SOHLH1: variants seen among roughly 807,000 people sequenced by gnomAD.
SOHLH1 encodes spermatogenesis- and oogenesis-specific basic helix-loop-helix-containing protein 1.
Under a neutral mutation model 36.2 loss-of-function variants are expected in SOHLH1, and 23 were observed. The observed-to-expected ratio is 0.64, with a 90% confidence interval of 0.46 to 0.90. The LOEUF is 0.90. SOHLH1 is among the 40% of genes least tolerant of loss of function. The pLI, the probability that SOHLH1 is intolerant of heterozygous loss-of-function variation, is 0.00. For synonymous variants in SOHLH1, 289 were observed against 228.3 expected (o/e 1.27, Z -2.40); for missense variants, 608 against 517.0 (o/e 1.18, Z -1.71).
intron 7 of SOHLH1, chr9:135,694,089 G>A: frequency 7.7e-6 from 11 of 1,427,846 alleles, no homozygotes; most frequent in Non-Finnish European, 1.0e-5. Flanking sequence ...TTGCCGGCCA[G>A]CACGGGCTGG....
chr9:135,697,730 G>C, intron 3 of SOHLH1, 103 bp from the exon 4 acceptor site: 1 of 1,420,590 alleles, frequency 7.0e-7, no homozygotes, highest in Non-Finnish European at 9.6e-7. Context: ...GGGTCACTGT[G>C]AGCTCGGTCC....
chr9:135,699,093 C>T lies in SOHLH1; in HGVS notation c.99G>A (p.Glu33=). The change falls in exon 2 of 8, where the codon GAG becomes GAA. Residue 33 remains glutamate, a synonymous_variant. Coordinates refer to ENST00000425225, the MANE Select transcript of SOHLH1 (RefSeq NM_001101677.2). ...GSLSGALSCC[E]DSARGSGPPK... Reference sequence around the variant, plus strand: ...GCGGGCCCGAGCCCCGGGCCGAGTCCTCGCAGCAGGAGAGGGCACCAGACA... The same window carrying T: ...GCGGGCCCGAGCCCCGGGCCGAGTCTTCGCAGCAGGAGAGGGCACCAGACA... The T allele has an allele frequency of 6.2e-7, 1 of 1,608,868 alleles. No individual in the cohort carries two copies.
chr9:135,700,794 C>T (rs1384202299), upstream of SOHLH1, among the ~76,000 whole-genome samples: 1 of 152,108 alleles, frequency 6.6e-6, no homozygotes, highest in East Asian at 1.9e-4. Context: ...GAGAGGAGGG[C>T]AAAAGCTCTC....
rs1834888120 is a variant in SOHLH1 at position 135,698,276 on chromosome 9, T to C, written c.345+53A>G. The C allele has an allele frequency of 1.9e-6, 3 of 1,609,052 alleles. No individual in the cohort carries two copies. In the Admixed American group the frequency reaches 5.0e-5, roughly 27 times the overall value. On this transcript the variant is annotated intron_variant, in intron 3 of 7. Transcript: ENST00000425225. The stretch of plus-strand genomic sequence containing the variant: ...ACACACTGCCTGCAAGGTGGTGAGA[T>C]GTCCCATCACCGTGATGCCGGAGGA...
In SOHLH1 at chr9:135,693,551, CTCCAGA is replaced by C. The variant is rs1255060539; in HGVS notation, c.*40_*45del. 6.6e-7 allele frequency: 1 copy of C among 1,523,534 alleles called. No homozygotes were observed. 94.4% of individuals were successfully genotyped at this position (1,523,534 alleles called of 1,614,324 possible). On this transcript the variant is annotated 3_prime_UTR_variant, in exon 8 of 8. Coordinates refer to ENST00000425225, the MANE Select transcript of SOHLH1 (RefSeq NM_001101677.2). ...AAGCACGCGACAGGGACACACACGG[CTCCAGA>C]TCCACCGGCCCCGCCCGCCTCCTCT...
rs576693506 is a variant in SOHLH1 at position 135,693,464 on chromosome 9, C to T, written c.*133G>A. 2.4e-6 allele frequency: 3 copies of T among 1,258,164 alleles called. No homozygotes were observed. The highest frequency in any genetic ancestry group is 2.8e-5 in the Admixed American group (1 of 35,574). 77.9% of individuals were successfully genotyped at this position (1,258,164 alleles called of 1,614,324 possible). ...TTTAATATTCACTATCCTCTTCTCA[C>T]AGCCTGTAAGCCTCGCTCAAATTAG... On this transcript the variant is annotated 3_prime_UTR_variant, in exon 8 of 8. Transcript: ENST00000425225.
At chr9:135,697,443 G>A in intron 4 of SOHLH1, 63 bp downstream of exon 4, 2 of 1,585,478 alleles carry the variant, frequency 1.3e-6, no homozygotes, top group South Asian at 2.2e-5. Context: ...ATGCCAGGGG[G>A]CTTTGGGTCT....
chr9:135,697,486 G>T lies in SOHLH1; in HGVS notation c.467+20C>A. The T allele has an allele frequency of 6.2e-7, 1 of 1,605,204 alleles. No individual in the cohort carries two copies. The highest frequency in any genetic ancestry group is 8.5e-7 in the Non-Finnish European group (1 of 1,177,864). ...CCAGGGTCACCCAGCCCTGGAGAGC[G>T]GGCCCCAGGAGACACTAACCGAGTC... is the stretch of plus-strand genomic sequence containing the variant. On this transcript the variant is annotated intron_variant, in intron 4 of 7. Transcript: ENST00000425225.
rs754730441 is a variant in SOHLH1, at chr9:135,695,073, G to A, written c.852C>T (p.Asp284=). 2.5e-6 allele frequency: 4 copies of A among 1,597,446 alleles called. No homozygotes were observed. Among genetic ancestry groups the A allele is most frequent in the Non-Finnish European group, 3.4e-6 (4 of 1,174,380 alleles). ...AAPLGEPAKE[D]PMLAQEAGSA... Reference sequence around the variant, plus strand: ...ACCCGGCCTCCTGCGCCAGCATGGGGTCCTCCTTGGCTGGCTCCCCCAGAG... The same window carrying A: ...ACCCGGCCTCCTGCGCCAGCATGGGATCCTCCTTGGCTGGCTCCCCCAGAG... Residue 284 remains aspartate, a synonymous_variant, in exon 6 of 8, where the codon GAC becomes GAT. Transcript: ENST00000425225.
rs551367525 is a variant in SOHLH1 at position 135,695,411 on chromosome 9, G to A, written c.662-148C>T. 1.1e-3 allele frequency: 792 copies of A among 706,548 alleles called. 3 individuals carry two copies. In the African/African-American group the frequency reaches 0.013, roughly 12 times the overall value. The allele number at this position is 706,548 out of a possible 1,614,324, so 43.8% of individuals were successfully genotyped here. A position where few individuals can be genotyped will look rare whatever the true frequency, so the allele number is the denominator to read the frequency against. ...ACCCTGCAGCAGGGACACGTGGGAGGAAGCTCAGAAGCGGGTGGCACACAG... is the reference window on the plus strand; with the variant it reads ...ACCCTGCAGCAGGGACACGTGGGAGAAAGCTCAGAAGCGGGTGGCACACAG... On this transcript the variant is annotated intron_variant, in intron 5 of 7. Coordinates refer to ENST00000425225, the MANE Select transcript of SOHLH1 (RefSeq NM_001101677.2).
Position 135,696,596 on chromosome 9 carries a change from C to T in SOHLH1, c.661+16G>A. On this transcript the variant is annotated intron_variant, in intron 5 of 7. Transcript: ENST00000425225. ...CCCCAGGCCAAAGGCACCCCACATGCACACCCAGGACTCACCTGAGAAAGG... is the reference window on the plus strand; with the variant it reads ...CCCCAGGCCAAAGGCACCCCACATGTACACCCAGGACTCACCTGAGAAAGG... 6.2e-7 allele frequency: 1 copy of T among 1,611,464 alleles called. No homozygotes were observed. Among genetic ancestry groups the T allele is most frequent in the Non-Finnish European group, 8.5e-7 (1 of 1,179,524 alleles).
intron 4 of SOHLH1, 127 bp from the exon 5 acceptor site, chr9:135,696,932 A>T: frequency 9.1e-7 from 1 of 1,094,128 alleles, no homozygotes; most frequent in East Asian, 2.6e-5. Context: ...CCCAGCATCA[A>T]GCCAGCCTCT....
chr9:135,701,364 CT>C (rs1461969188), upstream of SOHLH1, among the ~76,000 whole-genome samples: 2 of 152,236 alleles, frequency 1.3e-5, no homozygotes, highest in Non-Finnish European at 2.9e-5. Flanking sequence ...GGCCCTCCCC[CT>C]GGCCCTCGTG....
intron 3 of SOHLH1, 91 bp downstream of exon 3, chr9:135,698,238 G>C (rs1834886402): frequency 6.4e-6 from 10 of 1,569,072 alleles, no homozygotes; most frequent in Non-Finnish European, 1.7e-6. Context: ...GAAGGAGACG[G>C]GGATGACAGG....
chr9:135,698,882 C>G (rs1834916419), intron 2 of SOHLH1, 113 bp downstream of exon 2: 1 of 1,482,866 alleles, frequency 6.7e-7, no homozygotes, highest in Non-Finnish European at 9.4e-7. Flanking sequence ...TTCTCCTGGG[C>G]ACAGGCCACG....
At chr9:135,694,795 T>C (rs1365445683) in intron 6 of SOHLH1, among the ~76,000 whole-genome samples, 3 of 142,064 alleles carry the variant, frequency 2.1e-5, no homozygotes, top group African/African-American at 5.2e-5. Flanking sequence ...CTCATTTTAC[T>C]ATCAGCCAAA....
At chr9:135,695,009 G>T in intron 6 of SOHLH1, 41 bp downstream of exon 6, 1 of 1,546,088 alleles carries the variant, frequency 6.5e-7, no homozygotes. Flanking sequence ...ACACATGCTC[G>T]CTCACGCACA....
In SOHLH1 at chr9:135,697,488, GCC is replaced by G; in HGVS notation, c.467+16_467+17del. 6.2e-7 allele frequency: 1 copy of G among 1,605,798 alleles called. No homozygotes were observed. The highest frequency in any genetic ancestry group is 2.2e-5 in the East Asian group (1 of 44,758). ...AGGGTCACCCAGCCCTGGAGAGCGG[GCC>G]CCAGGAGACACTAACCGAGTCCCGC... On this transcript the variant is annotated intron_variant, in intron 4 of 7. Coordinates refer to ENST00000425225, the MANE Select transcript of SOHLH1 (RefSeq NM_001101677.2).
At chr9:135,697,372 C>T (rs573024585) in intron 4 of SOHLH1, 134 bp downstream of exon 4, 26 of 1,353,734 alleles carry the variant, frequency 1.9e-5, no homozygotes, top group Non-Finnish European at 2.6e-5. Flanking sequence ...TGGCAGGGCC[C>T]TGGGCAGGTC....
Sources: gnomAD v4.1 joint callset for allele counts (sites outside exome capture counted in the v4.1 genomes callset) on GRCh38, gnomAD v4.1.1 for gene constraint, MANE v1.5 for transcripts, NCBI Gene and HGNC (gene_info 2026-07-23, HGNC 2026-07-21) for gene names.